The following STAU1 variants were observed in gnomAD, a reference collection of about 807,000 sequenced individuals.
STAU1 encodes the protein double-stranded RNA-binding protein Staufen homolog 1.
In STAU1, 13 loss-of-function variants were observed where a neutral mutation model predicts 62.9. The observed-to-expected ratio is 0.21, with a 90% CI of 0.13 to 0.33. The LOEUF (loss-of-function observed/expected upper bound fraction) is 0.33. STAU1 is among the 10% of genes least tolerant of loss of function. STAU1 has a pLI of 1.00. For synonymous variants in STAU1, 269 were observed against 265.1 expected (o/e 1.01, Z -0.14); for missense variants, 571 against 712.1 (o/e 0.80, Z 2.25).
Position 49,174,830 on chromosome 20 carries a change from G to C in STAU1, c.-159-561C>G, listed in dbSNP as rs549319557. Among the ~76,000 whole-genome samples the C allele has an allele frequency of 6.1e-4, 93 of 152,056 alleles. 1 individual carries two copies. The highest frequency in any genetic ancestry group is 2.2e-3 in the African/African-American group (92 of 41,480). On this transcript the variant is annotated intron_variant, in intron 1 of 13. Transcript: ENST00000371856. ...CGGGGGCCTGTAGTCCCAGCTACTT[G>C]GGAGGCTGAGGCAGAATGGTGTGAA... is the stretch of plus-strand genomic sequence containing the variant.
chr20:49,197,703 A>G, the STAU1 span, among the ~76,000 whole-genome samples: 1 of 151,758 alleles, frequency 6.6e-6, no homozygotes, highest in Non-Finnish European at 1.5e-5. Context: ...TGCTGGGCCT[A>G]CGATTTTCAT....
chr20:49,146,909 G>A (rs1318231568), intron 5 of STAU1, among the ~76,000 whole-genome samples: 2 of 151,822 alleles, frequency 1.3e-5, no homozygotes, highest in Non-Finnish European at 2.9e-5. Context: ...GCTAGCCCCC[G>A]TTTTTCTCTA....
chr20:49,121,366 C>G (rs2092461748), intron 8 of STAU1, among the ~76,000 whole-genome samples: 1 of 152,166 alleles, frequency 6.6e-6, no homozygotes, highest in African/African-American at 2.4e-5. Context: ...CGAGATCACA[C>G]CACTGCCCTG....
chr20:49,194,195 A>T, the STAU1 span, among the ~76,000 whole-genome samples: 42 of 152,178 alleles, frequency 2.8e-4, no homozygotes, highest in Admixed American at 5.2e-4. Context: ...TTGAGAGGCC[A>T]GGGCGGGCAG....
the STAU1 span, among the ~76,000 whole-genome samples, chr20:49,206,751 A>ATATTTTTTTTTTTTT: frequency 2.1e-5 from 2 of 95,034 alleles, no homozygotes; most frequent in African/African-American, 4.3e-5. Flanking sequence ...ATATATATAT[A>ATATTTTTTTTTTTTT]TTTTATTTTA....
intron 1 of STAU1, among the ~76,000 whole-genome samples, chr20:49,185,108 G>C (rs2093771674): frequency 1.3e-5 from 2 of 152,230 alleles, no homozygotes; most frequent in Admixed American, 1.3e-4. Flanking sequence ...AAATAGGGCA[G>C]ACGGGGGCAC....
At chr20:49,176,019 C>A (rs2093656706) in intron 1 of STAU1, among the ~76,000 whole-genome samples, 1 of 152,058 alleles carries the variant, frequency 6.6e-6, no homozygotes, top group South Asian at 2.1e-4. Flanking sequence ...TGGTCTCGAT[C>A]TCCTGACCTC....
chr20:49,204,592 TTATATATATATATA>T, the STAU1 span, among the ~76,000 whole-genome samples: 6 of 45,644 alleles, frequency 1.3e-4, no homozygotes, highest in South Asian at 8.8e-4. Context: ...GGATTTTACA[TTATATATATATATA>T]TATATATATA....
At chr20:49,216,664 A>AT in the STAU1 span, among the ~76,000 whole-genome samples, 231 of 151,818 alleles carry the variant, frequency 1.5e-3, 1 homozygote, top group Non-Finnish European at 2.6e-3. Flanking sequence ...AAAATAAGAA[A>AT]TTTTTTTTTC....
At chr20:49,144,917 C>T (rs565501077) in intron 5 of STAU1, among the ~76,000 whole-genome samples, 2 of 152,068 alleles carry the variant, frequency 1.3e-5, no homozygotes, top group Non-Finnish European at 2.9e-5. Flanking sequence ...AATAGCAAAA[C>T]GTTCAAAACA....
intron 2 of STAU1, among the ~76,000 whole-genome samples, chr20:49,172,479 A>G (rs775376395): frequency 6.6e-6 from 1 of 152,178 alleles, no homozygotes; most frequent in Non-Finnish European, 1.5e-5. Context: ...TCTGCTGGAG[A>G]CTTTTAAAAG....
chr20:49,126,597 A>AAAACAAAAAAAAAAC lies in STAU1; in HGVS notation c.610-2011_610-2010insGTTTTTTTTTTGTTT, dbSNP rs1372380382. Among the ~76,000 whole-genome samples, 98 of 140,018 alleles carry AAAACAAAAAAAAAAC rather than the reference A, an allele frequency of 7.0e-4. 2 individuals are homozygous for AAAACAAAAAAAAAAC. Among genetic ancestry groups the AAAACAAAAAAAAAAC allele is most frequent in the Non-Finnish European group, 1.2e-3 (78 of 63,418 alleles). The allele number at this position is 140,018 out of a possible 152,430, so 91.9% of individuals were successfully genotyped here. The stretch of plus-strand genomic sequence containing the variant: ...AGCAAAAAAAAAAAAACAAAAAAAA[A>AAAACAAAAAAAAAAC]ACAAAAAAACTTAAAAATCTAACCG... On this transcript the variant is annotated intron_variant, in intron 6 of 13. Coordinates refer to ENST00000371856, the MANE Select transcript of STAU1 (RefSeq NM_017453.4).
At chr20:49,157,129 A>G (rs2093372184) in intron 3 of STAU1, among the ~76,000 whole-genome samples, 2 of 152,104 alleles carry the variant, frequency 1.3e-5, no homozygotes, top group Admixed American at 1.3e-4. Context: ...CACCTGCCTC[A>G]GTCTCCCAAA....
chr20:49,195,701 T>G, the STAU1 span, among the ~76,000 whole-genome samples: 1 of 150,460 alleles, frequency 6.6e-6, no homozygotes, highest in East Asian at 2.0e-4. Context: ...GCTGGGAATT[T>G]GATACCAGCC....
At chr20:49,213,244 T>C in the STAU1 span, among the ~76,000 whole-genome samples, 1 of 151,874 alleles carries the variant, frequency 6.6e-6, no homozygotes, top group Non-Finnish European at 1.5e-5. Flanking sequence ...CTCAATTTTT[T>C]TTTTTAGACA....
At chr20:49,187,773 ACC>A (rs748894566) in intron 1 of STAU1, among the ~76,000 whole-genome samples, 322 of 20,272 alleles carry the variant, frequency 0.016, no homozygotes, top group Non-Finnish European at 0.021. Context: ...TGAAGCAGGG[ACC>A]CCCCCCCCCC....
chr20:49,156,151 C>T (rs925663948), intron 3 of STAU1, among the ~76,000 whole-genome samples: 1 of 152,164 alleles, frequency 6.6e-6, no homozygotes, highest in Admixed American at 6.5e-5. Flanking sequence ...TTCTGACCAA[C>T]AAAATTACAA....
chr20:49,158,430 A>C lies in STAU1; in HGVS notation c.206-4359T>G, dbSNP rs185040365. 1.3e-5 allele frequency: 17 copies of C among 1,304,798 alleles called. No homozygotes were observed. In the East Asian group the frequency reaches 9.4e-4, roughly 72 times the overall value. The allele number at this position is 1,304,798 out of a possible 1,614,324, so 80.8% of individuals were successfully genotyped here. ...AATTTGGTGCCTTAAGGGGTGAGGC[A>C]ACTTGCCTTCATAGCTGATTTTTCT... On this transcript the variant is annotated intron_variant, in intron 3 of 13. Coordinates refer to ENST00000371856, the MANE Select transcript of STAU1 (RefSeq NM_017453.4).
Position 49,166,166 on chromosome 20 carries a change from A to T in STAU1, c.36T>A (p.Ser12=). 1 of 1,614,202 alleles carries T rather than the reference A, an allele frequency of 6.2e-7. No individual in the cohort carries two copies. The highest frequency in any genetic ancestry group is 8.5e-7 in the Non-Finnish European group (1 of 1,180,040). ...GTATTTGGCTCCCTGAGAGAGCAGC[A>T]GATGGGTTCTGAACTTGCACTTGAA... ...SQVQVQVQNP[S]AALSGSQILN... is the part of the protein sequence containing the mutation. Residue 12 remains serine, a synonymous_variant, in exon 3 of 14, where the codon TCT becomes TCA. Coordinates refer to ENST00000371856, the MANE Select transcript of STAU1 (RefSeq NM_017453.4).
Sources: allele counts gnomAD v4.1 joint callset (sites outside exome capture counted in the v4.1 genomes callset), GRCh38; gene constraint gnomAD v4.1.1; transcripts MANE v1.5; gene names NCBI Gene and HGNC (gene_info 2026-07-23, HGNC 2026-07-21).